Variants in TMEM132D observed in about 807,000 individuals in gnomAD.
The protein encoded by TMEM132D is transmembrane protein 132D.
In TMEM132D, 21 loss-of-function variants were observed where a neutral mutation model predicts 62.3. The ratio of observed to expected loss-of-function variants is 0.34; its 90% CI spans 0.24 to 0.49. The LOEUF is 0.49. Among genes scored for constraint, TMEM132D ranks in the 20% least tolerant of loss-of-function variants. The probability of loss-of-function intolerance (pLI) is 0.99; values close to 1 mark genes in which losing one functional copy is unlikely to be tolerated. For missense variants in TMEM132D, 1,346 were observed against 1,402.8 expected (o/e 0.96, Z 0.65); for synonymous variants, 621 against 575.6 (o/e 1.08, Z -1.13).
At chr12:129,349,434 G>C (rs569236471) in intron 3 of TMEM132D, among the ~76,000 whole-genome samples, 3 of 152,286 alleles carry the variant, frequency 2.0e-5, no homozygotes, top group Admixed American at 1.3e-4. Context: ...ACAACAAACT[G>C]TTAATACCAG....
chr12:129,506,358 T>C (rs1174127284), intron 3 of TMEM132D, among the ~76,000 whole-genome samples: 1 of 152,042 alleles, frequency 6.6e-6, no homozygotes, highest in African/African-American at 2.4e-5. Context: ...GAAAATACAA[T>C]CCTAAAATGT....
chr12:129,113,247 T>G (rs974768632), intron 5 of TMEM132D: 2 of 152,218 alleles, frequency 1.3e-5, no homozygotes, highest in African/African-American at 4.8e-5. Context: ...GAGATTTGCC[T>G]TCTGTCTCTC....
At chr12:129,681,093 G>T (rs1194105433) in intron 2 of TMEM132D, among the ~76,000 whole-genome samples, 1 of 152,238 alleles carries the variant, frequency 6.6e-6, no homozygotes, top group Non-Finnish European at 1.5e-5. Flanking sequence ...GGTGTACTCA[G>T]TGAAAAGCAC....
At chr12:129,444,344 T>A (rs1480934502) in intron 3 of TMEM132D, among the ~76,000 whole-genome samples, 1 of 151,992 alleles carries the variant, frequency 6.6e-6, no homozygotes, top group Non-Finnish European at 1.5e-5. Context: ...TGGGGGAAAA[T>A]TTTTGTAACA....
chr12:129,087,917 T>TCCCTGACCGGGTGTCCTCCATGACCG (rs1874684521), intron 5 of TMEM132D, among the ~76,000 whole-genome samples: 1 of 114,048 alleles, frequency 8.8e-6, no homozygotes, highest in Non-Finnish European at 1.7e-5. Flanking sequence ...CGGGGTGTCC[T>TCCCTGACCGGGTGTCCTCCATGACCG]CCCTGACCGG....
chr12:129,777,713 CAA>C (rs1449303673), intron 1 of TMEM132D, among the ~76,000 whole-genome samples: 1 of 152,056 alleles, frequency 6.6e-6, no homozygotes, highest in Admixed American at 6.6e-5. Flanking sequence ...TATCATATAC[CAA>C]CTTTTTACCA....
chr12:129,417,786 T>C (rs970137343), intron 3 of TMEM132D, among the ~76,000 whole-genome samples: 1 of 151,908 alleles, frequency 6.6e-6, no homozygotes, highest in Non-Finnish European at 1.5e-5. Flanking sequence ...TGGGAGAAAA[T>C]TTTTGCAATC....
intron 1 of TMEM132D, among the ~76,000 whole-genome samples, chr12:129,758,182 G>C (rs543913106): frequency 3.9e-5 from 6 of 152,166 alleles, no homozygotes; most frequent in Non-Finnish European, 8.8e-5. Context: ...TGGGATTACA[G>C]GTGTGAGCCA....
intron 4 of TMEM132D, among the ~76,000 whole-genome samples, chr12:129,291,663 T>A (rs911900106): frequency 6.6e-6 from 1 of 152,218 alleles, no homozygotes; most frequent in African/African-American, 2.4e-5. Context: ...TTAGTTATTC[T>A]GACAGCACGT....
intron 2 of TMEM132D, among the ~76,000 whole-genome samples, chr12:129,627,756 G>A (rs1365414322): frequency 6.6e-6 from 1 of 152,136 alleles, no homozygotes; most frequent in African/African-American, 2.4e-5. Flanking sequence ...GGAAGCCAAG[G>A]CCAGGTGATC....
chr12:129,535,770 T>TG (rs1555263418), intron 2 of TMEM132D, among the ~76,000 whole-genome samples: 1 of 122,882 alleles, frequency 8.1e-6, no homozygotes, highest in African/African-American at 3.0e-5. Context: ...CATTTAAGAT[T>TG]TGTGTGCGTG....
At chr12:129,512,475 G>T (rs192752698) in intron 3 of TMEM132D, among the ~76,000 whole-genome samples, 5 of 152,284 alleles carry the variant, frequency 3.3e-5, no homozygotes, top group African/African-American at 9.6e-5. Flanking sequence ...ATGACAGAGA[G>T]ACATTGAACA....
chr12:129,244,620 T>C (rs1187820795), intron 4 of TMEM132D, among the ~76,000 whole-genome samples: 1 of 152,016 alleles, frequency 6.6e-6, no homozygotes, highest in African/African-American at 2.4e-5. Context: ...TGTTTGTTTT[T>C]TGTTTTATTT....
At chr12:129,723,498 G>A (rs1199803382) in intron 1 of TMEM132D, among the ~76,000 whole-genome samples, 1 of 152,206 alleles carries the variant, frequency 6.6e-6, no homozygotes, top group African/African-American at 2.4e-5. Context: ...GCTGTCACAG[G>A]ACTAGCGGAC....
chr12:129,675,500 C>T (rs544685391), intron 2 of TMEM132D, among the ~76,000 whole-genome samples: 7 of 152,138 alleles, frequency 4.6e-5, no homozygotes, highest in South Asian at 2.1e-4. Context: ...TGTAACAAAC[C>T]GGCACATTCT....
At chr12:129,420,366 TG>T (rs1872278130) in intron 3 of TMEM132D, among the ~76,000 whole-genome samples, 1 of 142,626 alleles carries the variant, frequency 7.0e-6, no homozygotes, top group Admixed American at 7.5e-5. Flanking sequence ...TAAGGATAAC[TG>T]TCAATCATCT....
intron 1 of TMEM132D, among the ~76,000 whole-genome samples, chr12:129,795,725 C>T (rs1376795): frequency 0.57 from 86,721 of 152,096 alleles, 26,860 homozygotes; most frequent in Non-Finnish European, 0.71. Context: ...TTGTAGTTGA[C>T]ATACATCTAG....
chr12:129,403,356 C>T (rs1397761029), intron 3 of TMEM132D, among the ~76,000 whole-genome samples: 2 of 150,624 alleles, frequency 1.3e-5, no homozygotes, highest in East Asian at 1.9e-4. Flanking sequence ...CTTTAGAATA[C>T]ACACATAACT....
At chr12:129,383,970 T>C (rs1593359031) in intron 3 of TMEM132D, among the ~76,000 whole-genome samples, 1 of 152,178 alleles carries the variant, frequency 6.6e-6, no homozygotes, top group Non-Finnish European at 1.5e-5. Context: ...TCACCCAGTA[T>C]CCTCTGCCTC....
Sources: allele counts gnomAD v4.1 joint callset (sites outside exome capture counted in the v4.1 genomes callset), GRCh38; gene constraint gnomAD v4.1.1; transcripts MANE v1.5; gene names NCBI Gene and HGNC (gene_info 2026-07-23, HGNC 2026-07-21).